Variants in ARHGAP19 observed in about 807,000 individuals in gnomAD.
The protein encoded by ARHGAP19 is rho GTPase-activating protein 19.
Under a neutral mutation model 60.9 loss-of-function variants are expected in ARHGAP19, and 48 were observed. The ratio of observed to expected loss-of-function variants is 0.79; its 90% CI spans 0.62 to 1.00. The LOEUF (loss-of-function observed/expected upper bound fraction) is 1.00. Ranked by LOEUF, ARHGAP19 falls within the 50% of genes least tolerant of loss-of-function variation. The pLI is 0.00. For missense variants in ARHGAP19, 562 were observed against 597.2 expected, an observed-to-expected ratio of 0.94 and a Z score of 0.61; for synonymous variants, 209 against 215.5, an observed-to-expected ratio of 0.97 and a Z score of 0.27.
chr10:97,264,760 T>C (rs1842876041), intron 3 of ARHGAP19, 66 bp downstream of exon 3: 2 of 1,246,898 alleles, frequency 1.6e-6, no homozygotes, highest in Middle Eastern at 2.2e-4. Context: ...CTCAAGGCAG[T>C]TAGCTCTCAA....
intron 6 of ARHGAP19, among the ~76,000 whole-genome samples, chr10:97,252,791 T>C (rs1451418638): frequency 6.6e-6 from 1 of 152,058 alleles, no homozygotes; most frequent in Non-Finnish European, 1.5e-5. Flanking sequence ...AATACATCAA[T>C]CCCACTACTG....
intron 11 of ARHGAP19, among the ~76,000 whole-genome samples, chr10:97,226,788 T>C (rs1480692114): frequency 6.6e-6 from 1 of 152,180 alleles, no homozygotes; most frequent in African/African-American, 2.4e-5. Context: ...AAGGAAAAAG[T>C]ATTATATTTG....
chr10:97,253,687 G>C (rs901553960), intron 6 of ARHGAP19, among the ~76,000 whole-genome samples: 2 of 152,144 alleles, frequency 1.3e-5, no homozygotes, highest in East Asian at 3.9e-4. Context: ...CAATGTGATG[G>C]ATACTCTACA....
chr10:97,265,853 C>T lies in ARHGAP19; in HGVS notation c.322+7G>A, dbSNP rs371810545. ...GCCTGCCCACCCTTCACAAACACAT[C>T]TCCTACCCTTTCGCTTGAGAGACAT... On this transcript the variant is annotated splice_region_variant and intron_variant, in intron 2 of 11. Coordinates refer to ENST00000358531, the MANE Select transcript of ARHGAP19 (RefSeq NM_032900.6). 1.1e-5 allele frequency: 18 copies of T among 1,613,814 alleles called. No individual in the cohort carries two copies. The African/African-American group carries it at 2.4e-4, about 22-fold the overall frequency.
At chr10:97,265,800 T>G in intron 2 of ARHGAP19, 60 bp downstream of exon 2, 2 of 1,565,208 alleles carry the variant, frequency 1.3e-6, no homozygotes, top group Non-Finnish European at 8.7e-7. Flanking sequence ...GTGTAGATGT[T>G]GAGAGAGAAG....
rs1850829676 is a variant in ARHGAP19 at position 97,222,886 on chromosome 10, C to G, written c.*3236G>C. On this transcript the variant is annotated 3_prime_UTR_variant, in exon 12 of 12. Transcript: ENST00000358531. ...GAAAGGAGACAGAGTCTAGAGACAT[C>G]TATTCCTAAAAATCACCTGGTTGCA... 2 of 152,176 alleles carry G rather than the reference C, an allele frequency of 1.3e-5. No individual in the cohort carries two copies. Among genetic ancestry groups the G allele is most frequent in the African/African-American group, 4.8e-5 (2 of 41,440 alleles). The allele number at this position is 152,176 out of a possible 1,614,324, so 9.4% of individuals were successfully genotyped here.
intron 1 of ARHGAP19, among the ~76,000 whole-genome samples, chr10:97,281,993 A>G (rs556445429): frequency 6.6e-6 from 1 of 152,196 alleles, no homozygotes; most frequent in Non-Finnish European, 1.5e-5. Flanking sequence ...AGTTACAGAG[A>G]TAGCACAGTG....
chr10:97,231,509 C>A (rs914382081), intron 9 of ARHGAP19, among the ~76,000 whole-genome samples: 5 of 152,210 alleles, frequency 3.3e-5, no homozygotes, highest in East Asian at 3.9e-4. Flanking sequence ...ACCTTCTCTA[C>A]TTTCTGTCTC....
At chr10:97,282,984 A>T (rs1843105843) in intron 1 of ARHGAP19, among the ~76,000 whole-genome samples, 2 of 151,358 alleles carry the variant, frequency 1.3e-5, no homozygotes, top group Admixed American at 6.6e-5. Flanking sequence ...CTGGGATTAC[A>T]GGCGTCTGCC....
At chr10:97,282,894 G>A (rs1370383980) in intron 1 of ARHGAP19, among the ~76,000 whole-genome samples, 2 of 139,548 alleles carry the variant, frequency 1.4e-5, no homozygotes, top group Non-Finnish European at 3.0e-5. Flanking sequence ...CCAGGCTGGA[G>A]TGCAGTGGTG....
intron 8 of ARHGAP19, among the ~76,000 whole-genome samples, chr10:97,238,626 G>A (rs891675824): frequency 2.6e-5 from 4 of 152,164 alleles, no homozygotes; most frequent in Non-Finnish European, 4.4e-5. Flanking sequence ...ATTTTGTACA[G>A]ATGCATAGTG....
At chr10:97,239,557 T>C (rs1480702541) in intron 8 of ARHGAP19, among the ~76,000 whole-genome samples, 19 of 7,822 alleles carry the variant, frequency 2.4e-3, no homozygotes, top group Admixed American at 6.3e-3. Context: ...AGAGGGTGTG[T>C]GTGTGTGTGT....
At chr10:97,234,788 G>A (rs1372176235) in intron 9 of ARHGAP19, among the ~76,000 whole-genome samples, 1 of 152,192 alleles carries the variant, frequency 6.6e-6, no homozygotes, top group Admixed American at 6.5e-5. Context: ...AAAATTTGGG[G>A]TATCAAAACT....
intron 1 of ARHGAP19, among the ~76,000 whole-genome samples, chr10:97,285,879 A>C (rs1843148098): frequency 1.3e-5 from 2 of 152,174 alleles, no homozygotes; most frequent in Admixed American, 1.3e-4. Flanking sequence ...ACTCTTTATA[A>C]CACTACCGAC....
rs539710426 is a variant in ARHGAP19, at chr10:97,246,300, T to C, written c.965A>G (p.Tyr322Cys). 8.1e-6 allele frequency: 13 copies of C among 1,613,930 alleles called. No individual in the cohort carries two copies. Among genetic ancestry groups the C allele is most frequent in the African/African-American group, 8.0e-5 (6 of 75,020 alleles). Residue 322 changes from tyrosine (Y) to cysteine (C), a missense_variant, in exon 7 of 12, where the codon TAT (tyrosine) becomes TGT (cysteine). By Grantham distance (194) the Tyr-to-Cys change is radical (BLOSUM62 -2). Coordinates refer to ENST00000358531, the MANE Select transcript of ARHGAP19 (RefSeq NM_032900.6). Reference sequence around the variant, plus strand: ...TGATGCCTGAGTTCTGGATCCCAAATAGTGCAATCTCGCACACTCCCGAAT... The same window carrying C: ...TGATGCCTGAGTTCTGGATCCCAAACAGTGCAATCTCGCACACTCCCGAAT... The part of the protein sequence containing the change: ...AYIRECARLH[Y>C]LGSRTQASKD...
intron 1 of ARHGAP19, among the ~76,000 whole-genome samples, chr10:97,273,654 A>C (rs1224405878): frequency 6.6e-6 from 1 of 151,352 alleles, no homozygotes; most frequent in Non-Finnish European, 1.5e-5. Flanking sequence ...GTGCCCAGCT[A>C]ATTTTTGTAT....
intron 9 of ARHGAP19, among the ~76,000 whole-genome samples, chr10:97,234,267 C>CA (rs1027473439): frequency 1.2e-4 from 18 of 149,710 alleles, no homozygotes; most frequent in South Asian, 8.5e-4. Context: ...GACTCTGTCT[C>CA]AAAAAAAAAT....
intron 10 of ARHGAP19, 77 bp from the exon 11 acceptor site, chr10:97,229,302 T>TC: frequency 3.4e-6 from 4 of 1,188,414 alleles, no homozygotes; most frequent in Non-Finnish European, 5.0e-6. Context: ...ACAAATGAAT[T>TC]ATTTGTTCAA....
rs1366308495 is a variant in ARHGAP19 at position 97,224,795 on chromosome 10, G to C, written c.*1327C>G. 2.0e-5 allele frequency: 3 copies of C among 152,340 alleles called. No individual in the cohort carries two copies. Among genetic ancestry groups the C allele is most frequent in the African/African-American group, 7.2e-5 (3 of 41,430 alleles). 9.4% of individuals were successfully genotyped at this position (152,340 alleles called of 1,614,324 possible). A position where few individuals can be genotyped will look rare whatever the true frequency, so the allele number is the denominator to read the frequency against. On this transcript the variant is annotated 3_prime_UTR_variant, in exon 12 of 12. Coordinates refer to ENST00000358531, the MANE Select transcript of ARHGAP19 (RefSeq NM_032900.6). ...CCTGCTACATGCTGCTCTCTGGGCAGACACCAGTTCATACTAGGTCAAAGC... is the reference window on the plus strand; with the variant it reads ...CCTGCTACATGCTGCTCTCTGGGCACACACCAGTTCATACTAGGTCAAAGC...
Sources: gnomAD v4.1 joint callset for allele counts (sites outside exome capture counted in the v4.1 genomes callset) on GRCh38, gnomAD v4.1.1 for gene constraint, MANE v1.5 for transcripts, NCBI Gene and HGNC (gene_info 2026-07-23, HGNC 2026-07-21) for gene names.